ARHGAP31: variants seen among roughly 807,000 people sequenced by gnomAD.
ARHGAP31 encodes the protein rho GTPase-activating protein 31.
A neutral mutation model predicts 113.9 loss-of-function variants in ARHGAP31; 34 were observed. That is an observed-to-expected ratio of 0.30 (90% CI 0.23 to 0.40). The LOEUF (loss-of-function observed/expected upper bound fraction) is 0.40. Among genes scored for constraint, ARHGAP31 ranks in the 10% least tolerant of loss-of-function variants. The pLI is 1.00. For synonymous variants in ARHGAP31, 650 were observed against 684.8 expected, an observed-to-expected ratio of 0.95 and a Z score of 0.79; for missense variants, 1,548 against 1,767.1, an observed-to-expected ratio of 0.88 and a Z score of 2.22.
chr3:119,324,513 C>G (rs774030775), intron 1 of ARHGAP31, among the ~76,000 whole-genome samples: 1 of 152,210 alleles, frequency 6.6e-6, no homozygotes, highest in Non-Finnish European at 1.5e-5. Flanking sequence ...CCCCCAAAAT[C>G]TTTTAAACTT....
At chr3:119,410,804 C>T (rs991460019) in intron 11 of ARHGAP31, among the ~76,000 whole-genome samples, 3 of 152,226 alleles carry the variant, frequency 2.0e-5, no homozygotes, top group African/African-American at 7.2e-5. Context: ...GTGAACAAGG[C>T]TTTAACCATC....
At chr3:119,298,489 A>C (rs1468657784) in intron 1 of ARHGAP31, among the ~76,000 whole-genome samples, 3 of 152,044 alleles carry the variant, frequency 2.0e-5, no homozygotes, top group Non-Finnish European at 4.4e-5. Flanking sequence ...CTTCTATTAG[A>C]GCTTGGAGAT....
At chr3:119,404,642 C>T (rs183168067) in intron 10 of ARHGAP31, among the ~76,000 whole-genome samples, 23 of 152,334 alleles carry the variant, frequency 1.5e-4, no homozygotes, top group Non-Finnish European at 2.8e-4. Context: ...TTCCAGGTTA[C>T]CCAATTAAAC....
At chr3:119,349,147 G>A (rs1390474787) in intron 1 of ARHGAP31, among the ~76,000 whole-genome samples, 1 of 151,984 alleles carries the variant, frequency 6.6e-6, no homozygotes, top group African/African-American at 2.4e-5. Context: ...TAGTCTCTCT[G>A]CAGAAAGCAT....
intron 1 of ARHGAP31, among the ~76,000 whole-genome samples, chr3:119,345,543 C>T (rs2080048966): frequency 6.6e-6 from 1 of 152,164 alleles, no homozygotes; most frequent in South Asian, 2.1e-4. Context: ...CAGGCACTTC[C>T]TCCCATTGGA....
chr3:119,350,238 A>T (rs539487131), intron 1 of ARHGAP31, among the ~76,000 whole-genome samples: 92 of 152,284 alleles, frequency 6.0e-4, no homozygotes, highest in African/African-American at 2.1e-3. Context: ...AAGCGCTGGG[A>T]GGCCTCAGTA....
At chr3:119,368,236 G>C (rs2080266409) in intron 2 of ARHGAP31, 136 bp from the exon 3 acceptor site, 2 of 1,145,604 alleles carry the variant, frequency 1.7e-6, no homozygotes, top group Non-Finnish European at 2.5e-6. Context: ...TGGAGTAGAA[G>C]ATCTTTTTGA....
At position 119,415,478 on chromosome 3, in the gene ARHGAP31, G is replaced by A. The variant is rs1213458283; in HGVS notation, c.3549G>A (p.Val1183=). 1.9e-6 allele frequency: 3 copies of A among 1,614,102 alleles called. No individual in the cohort carries two copies. Among genetic ancestry groups the A allele is most frequent in the Middle Eastern group, 1.6e-4 (1 of 6,062 alleles). ...GCCGTAACTCAGCTCCTGTGAGTGT[G>A]TCAGCTGTGAGAACCTCCTTCATGG... ...TGRRNSAPVS[V]SAVRTSFMVK... is the part of the protein sequence containing the mutation. The change falls in exon 12 of 12, where the codon GTG becomes GTA. Residue 1183 remains valine (V), a synonymous_variant. Coordinates refer to ENST00000264245, the MANE Select transcript of ARHGAP31 (RefSeq NM_020754.4).
intron 1 of ARHGAP31, among the ~76,000 whole-genome samples, chr3:119,313,523 T>C (rs1163670771): frequency 6.6e-6 from 1 of 152,222 alleles, no homozygotes. Flanking sequence ...CGAACGAGGG[T>C]AGAATTTGCT....
At chr3:119,348,541 A>T (rs2080082516) in intron 1 of ARHGAP31, among the ~76,000 whole-genome samples, 1 of 152,210 alleles carries the variant, frequency 6.6e-6, no homozygotes, top group Admixed American at 6.5e-5. Flanking sequence ...AATTGGTTCC[A>T]GGACCCCCAT....
intron 10 of ARHGAP31, among the ~76,000 whole-genome samples, chr3:119,409,234 C>T (rs577816306): frequency 8.5e-5 from 13 of 152,164 alleles, no homozygotes; most frequent in Non-Finnish European, 1.6e-4. Flanking sequence ...AAGAAGAAAA[C>T]GGTAGGAGCA....
At chr3:119,391,589 A>ACCCCCCCCCCCCCCCCCCCCC (rs368549202) in intron 7 of ARHGAP31, among the ~76,000 whole-genome samples, 176 of 103,690 alleles carry the variant, frequency 1.7e-3, no homozygotes, top group East Asian at 2.9e-3. Context: ...CTGGGTCTCT[A>ACCCCCCCCCCCCCCCCCCCCC]CCCCCCCCTC....
chr3:119,416,263 G>T lies in ARHGAP31; in HGVS notation c.4334G>T (p.Ter1445LeuextTer39), dbSNP rs1577038130. Residue 1445 changes from the stop codon to leucine, a stop_lost, in exon 12 of 12, where the codon TGA becomes TTA. Transcript: ENST00000264245. ...GGAAGAAGTGGGAGGCAAATAGAAT[G>T]ATTTCGGTTCACCTGCTGGTGTCTG... ...LDGRSGRQIE[*>L] is the part of the protein sequence containing the mutation. 6.2e-7 allele frequency: 1 copy of T among 1,613,582 alleles called. No homozygotes were observed. The highest frequency in any genetic ancestry group is 1.3e-5 in the African/African-American group (1 of 75,056).
rs2080808359 is a variant in ARHGAP31, at chr3:119,419,963, A to C, written c.*3699A>C. On this transcript the variant is annotated 3_prime_UTR_variant, in exon 12 of 12. Coordinates refer to ENST00000264245, the MANE Select transcript of ARHGAP31 (RefSeq NM_020754.4). ...AAAGGGGATTTTAGAGACTTCTGTC[A>C]TCACAAAGCAGATTAACTCCTAGTT... 1 of 152,232 alleles carries C rather than the reference A, an allele frequency of 6.6e-6. No individual in the cohort carries two copies. Among genetic ancestry groups the C allele is most frequent in the Non-Finnish European group, 1.5e-5 (1 of 68,036 alleles). The allele number at this position is 152,232 out of a possible 1,614,324, so 9.4% of individuals were successfully genotyped here.
intron 1 of ARHGAP31, among the ~76,000 whole-genome samples, chr3:119,364,244 G>T (rs1338633223): frequency 7.4e-6 from 1 of 136,042 alleles, no homozygotes; most frequent in Non-Finnish European, 1.6e-5. Context: ...GATGGAGGTG[G>T]GGGGGCCGTT....
At position 119,414,223 on chromosome 3, in the gene ARHGAP31, C is replaced by T; in HGVS notation, c.2294C>T (p.Pro765Leu). Residue 765 changes from proline (P) to leucine (L), a missense_variant, in exon 12 of 12, where the codon CCA (proline) becomes CTA (leucine). Physicochemically the swap from Pro to Leu is moderately conservative, Grantham distance 98. Transcript: ENST00000264245. ...LEIVPFEKAS[P>L]QATVEVGGPG... ...ATAGTTCCTTTTGAGAAGGCATCTC[C>T]ACAAGCAACAGTGGAAGTAGGAGGC... 1 of 1,614,220 alleles carries T rather than the reference C, an allele frequency of 6.2e-7. No homozygotes were observed. Among genetic ancestry groups the T allele is most frequent in the Non-Finnish European group, 8.5e-7 (1 of 1,180,044 alleles).
chr3:119,361,535 C>T (rs530078290), intron 1 of ARHGAP31, among the ~76,000 whole-genome samples: 2 of 152,240 alleles, frequency 1.3e-5, no homozygotes, highest in African/African-American at 4.8e-5. Context: ...GCACCCGCCA[C>T]CACACCTGGC....
At chr3:119,391,678 G>A (rs1459466731) in intron 7 of ARHGAP31, among the ~76,000 whole-genome samples, 1 of 146,822 alleles carries the variant, frequency 6.8e-6, no homozygotes, top group Non-Finnish European at 1.5e-5. Flanking sequence ...CAGATTGTAG[G>A]TGGAGGGGCT....
At chr3:119,356,452 G>A (rs1577010064) in intron 1 of ARHGAP31, among the ~76,000 whole-genome samples, 2 of 151,912 alleles carry the variant, frequency 1.3e-5, no homozygotes, top group African/African-American at 4.8e-5. Context: ...CCAACATAGT[G>A]AAACCCAGTC....
Sources: gnomAD v4.1 joint callset for allele counts (sites outside exome capture counted in the v4.1 genomes callset) on GRCh38, gnomAD v4.1.1 for gene constraint, MANE v1.5 for transcripts, NCBI Gene and HGNC (gene_info 2026-07-23, HGNC 2026-07-21) for gene names.